Variants in PLEKHA7 observed in about 807,000 individuals in gnomAD.
PLEKHA7 encodes pleckstrin homology domain containing A7, also known as pleckstrin homology domain-containing family A member 7.
A neutral mutation model predicts 170.0 loss-of-function variants in PLEKHA7; 104 were observed. The ratio of observed to expected loss-of-function variants is 0.61; its 90% CI spans 0.52 to 0.72. PLEKHA7 has a LOEUF of 0.72. PLEKHA7 is among the 30% of genes least tolerant of loss of function. The pLI is 0.00. For missense variants in PLEKHA7, 1,615 were observed against 1,671.7 expected, an observed-to-expected ratio of 0.97 and a Z score of 0.59; for synonymous variants, 648 against 660.8, an observed-to-expected ratio of 0.98 and a Z score of 0.30.
Position 16,782,794 on chromosome 11 carries a change from G to C in PLEKHA7, c.3753C>G (p.Ala1251=). 1 of 1,536,182 alleles carries C rather than the reference G, an allele frequency of 6.5e-7. No individual in the cohort carries two copies. The highest frequency in any genetic ancestry group is 1.4e-5 in the African/African-American group (1 of 73,178). The change falls in exon 26 of 27, where the codon GCC becomes GCG. Residue 1251 remains alanine (A), a synonymous_variant. Transcript: ENST00000531066. ...TACGCTGGGAGGCCTCGGAGGCCAG[G>C]GCGTAGGAGATGTTGATGATGCGCT... ...EQERIINISY[A]LASEASQRSK... is the part of the protein sequence containing the mutation.
chr11:16,888,941 TAA>T (rs59807490), intron 3 of PLEKHA7, among the ~76,000 whole-genome samples: 60,993 of 135,952 alleles, frequency 0.45, 13,410 homozygotes, highest in Non-Finnish European at 0.53. Context: ...TACTAAAAAT[TAA>T]AAAAAAAAAA....
chr11:16,783,761 C>T lies in PLEKHA7; in HGVS notation c.3589G>A (p.Glu1197Lys). The change falls in exon 25 of 27, where the codon GAG becomes AAG. Residue 1197 changes from glutamate (E) to lysine (K), a missense_variant. By Grantham distance (56) the Glu-to-Lys change is moderately conservative. Transcript: ENST00000531066. ...TTGCGGTACCGCGCCTGCAGCTCCT[C>T]AAGGCTGGGTGGCTCTTCGGGATCT... Reference protein sequence around the residue: ...ELDPEEPPSLEELQARYRKAE... With the variant: ...ELDPEEPPSLKELQARYRKAE... The T allele has an allele frequency of 6.6e-7, 1 of 1,514,984 alleles. No individual in the cohort carries two copies. The highest frequency in any genetic ancestry group is 8.8e-7 in the Non-Finnish European group (1 of 1,136,838). The allele number at this position is 1,514,984 out of a possible 1,614,324, so 93.8% of individuals were successfully genotyped here. A position where few individuals can be genotyped will look rare whatever the true frequency, so the allele number is the denominator to read the frequency against.
At chr11:16,873,122 G>A (rs1854998266) in intron 3 of PLEKHA7, among the ~76,000 whole-genome samples, 1 of 152,138 alleles carries the variant, frequency 6.6e-6, no homozygotes, top group Non-Finnish European at 1.5e-5. Flanking sequence ...GAGTTAAAAT[G>A]CTTTCATAAT....
At chr11:16,779,339 G>A (rs888365572) in intron 26 of PLEKHA7, among the ~76,000 whole-genome samples, 1 of 152,222 alleles carries the variant, frequency 6.6e-6, no homozygotes, top group African/African-American at 2.4e-5. Flanking sequence ...CTTGGCCTCT[G>A]TGGGCCTTGT....
At chr11:16,854,812 G>C in intron 6 of PLEKHA7, 77 bp downstream of exon 6, 1 of 1,313,818 alleles carries the variant, frequency 7.6e-7, no homozygotes, top group Non-Finnish European at 1.1e-6. Flanking sequence ...CCCATCCCTA[G>C]CTTCCTGGTG....
chr11:16,877,472 T>C (rs1387583110), intron 3 of PLEKHA7, among the ~76,000 whole-genome samples: 1 of 152,252 alleles, frequency 6.6e-6, no homozygotes, highest in Non-Finnish European at 1.5e-5. Flanking sequence ...AAGCTCCTTG[T>C]GACTAATTTT....
intron 3 of PLEKHA7, among the ~76,000 whole-genome samples, chr11:16,978,552 A>G (rs1863213357): frequency 6.6e-6 from 1 of 152,234 alleles, no homozygotes; most frequent in Non-Finnish European, 1.5e-5. Context: ...GTACATGTGT[A>G]TCTTGCTGTA....
chr11:16,863,222 A>C (rs117309988), intron 4 of PLEKHA7, among the ~76,000 whole-genome samples: 6,993 of 152,298 alleles, frequency 0.046, 221 homozygotes, highest in Non-Finnish European at 0.07. Flanking sequence ...AAGAGGTCAA[A>C]GATCTGGAAG....
chr11:16,902,189 T>C (rs1857385729), intron 3 of PLEKHA7, among the ~76,000 whole-genome samples: 1 of 152,238 alleles, frequency 6.6e-6, no homozygotes, highest in Admixed American at 6.5e-5. Flanking sequence ...CATTCCTTCC[T>C]ATGGCCAGAT....
At chr11:16,964,010 CTTTCTG>C (rs1554984567) in intron 3 of PLEKHA7, among the ~76,000 whole-genome samples, 1 of 152,170 alleles carries the variant, frequency 6.6e-6, no homozygotes, top group Non-Finnish European at 1.5e-5. Context: ...CTCTAATCTA[CTTTCTG>C]TTTCTATGTA....
intron 3 of PLEKHA7, among the ~76,000 whole-genome samples, chr11:16,967,611 C>A (rs1266673293): frequency 1.3e-5 from 2 of 152,150 alleles, no homozygotes; most frequent in East Asian, 3.9e-4. Context: ...CTGGGCCTCA[C>A]AGCACCCTAA....
In PLEKHA7 at chr11:16,786,343, G is replaced by A. The variant is rs766816504; in HGVS notation, c.3402C>T (p.Val1134=). The stretch of plus-strand genomic sequence containing the variant: ...CCTTGTCCTTTTTTTCCCCTTGCAC[G>A]ACCCGTTCCAGCAACTGCAGGTCAA... ...QDFDLQLLER[V]VQGEKKDKEE... is the part of the protein sequence containing the mutation. Residue 1134 remains valine (V), a synonymous_variant, in exon 24 of 27, where the codon GTC becomes GTT. Transcript: ENST00000531066. The A allele has an allele frequency of 7.8e-6, 12 of 1,535,924 alleles. No homozygotes were observed. The highest frequency in any genetic ancestry group is 7.3e-5 in the East Asian group (3 of 40,920).
intron 3 of PLEKHA7, among the ~76,000 whole-genome samples, chr11:16,919,589 AG>A (rs1858937602): frequency 6.6e-6 from 1 of 151,982 alleles, no homozygotes; most frequent in Non-Finnish European, 1.5e-5. Flanking sequence ...TCAGGAGCCC[AG>A]GAGTTGGATG....
chr11:16,781,098 C>T, intron 26 of PLEKHA7: 1 of 774,894 alleles, frequency 1.3e-6, no homozygotes, highest in Non-Finnish European at 1.6e-6. Flanking sequence ...GACTCCTCAT[C>T]AGCTCCTGCA....
At chr11:16,841,253 G>T (rs976768781) in intron 9 of PLEKHA7, among the ~76,000 whole-genome samples, 18 of 152,122 alleles carry the variant, frequency 1.2e-4, no homozygotes, top group Admixed American at 7.9e-4. Flanking sequence ...CAGTTTGCAA[G>T]ACCTTTCTTG....
intron 3 of PLEKHA7, among the ~76,000 whole-genome samples, chr11:17,002,305 G>C (rs1380386501): frequency 6.6e-6 from 1 of 152,192 alleles, no homozygotes; most frequent in Non-Finnish European, 1.5e-5. Context: ...TCAGGAGGCT[G>C]AGGCGGGGGC....
rs149207458 is a variant in PLEKHA7, at chr11:16,911,243, C to T, written c.222-40061G>A. 3.8e-3 allele frequency among the ~76,000 whole-genome samples: 580 copies of T among 152,278 alleles called. 3 individuals are homozygous for T. The highest frequency in any genetic ancestry group is 5.0e-3 in the Non-Finnish European group (340 of 68,020). On this transcript the variant is annotated intron_variant, in intron 3 of 26. Coordinates refer to ENST00000531066, the MANE Select transcript of PLEKHA7 (RefSeq NM_001329630.2). ...GCACCCCAGGTGTTAACCCGCAGGC[C>T]TCCTCACCTGTGGGAAAACTACAGG...
intron 10 of PLEKHA7, among the ~76,000 whole-genome samples, chr11:16,824,346 G>A (rs140647792): frequency 6.6e-6 from 1 of 152,098 alleles, no homozygotes; most frequent in Admixed American, 6.5e-5. Context: ...GGTCAACATA[G>A]CAAGATTACA....
In PLEKHA7 at chr11:16,906,490, T is replaced by C. The variant is rs1452082767; in HGVS notation, c.222-35308A>G. 3.6e-5 allele frequency among the ~76,000 whole-genome samples: 5 copies of C among 140,448 alleles called. No individual in the cohort carries two copies. The East Asian group carries it at 9.9e-4, about 28-fold the overall frequency. The allele number at this position is 140,448 out of a possible 152,430, so 92.1% of individuals were successfully genotyped here. A position where few individuals can be genotyped will look rare whatever the true frequency, so the allele number is the denominator to read the frequency against. On this transcript the variant is annotated intron_variant, in intron 3 of 26. Coordinates refer to ENST00000531066, the MANE Select transcript of PLEKHA7 (RefSeq NM_001329630.2). The stretch of plus-strand genomic sequence containing the variant: ...CACGCGCCGCCATGCCTGACTGGTT[T>C]TCGTATTTTTTTGGTGGAGACGGGG...
Sources: gnomAD v4.1 joint callset for allele counts (sites outside exome capture counted in the v4.1 genomes callset) on GRCh38, gnomAD v4.1.1 for gene constraint, MANE v1.5 for transcripts, NCBI Gene and HGNC (gene_info 2026-07-23, HGNC 2026-07-21) for gene names.